PKD1L1: variants seen among roughly 807,000 people sequenced by gnomAD.
PKD1L1 encodes the protein polycystin-1-like protein 1.
Under a neutral mutation model 323.4 loss-of-function variants are expected in PKD1L1, and 236 were observed. The observed-to-expected ratio is 0.73, with a 90% CI of 0.66 to 0.81. PKD1L1 has a LOEUF of 0.81. Ranked by LOEUF, PKD1L1 falls within the 40% of genes least tolerant of loss-of-function variation. The pLI, the probability that PKD1L1 is intolerant of heterozygous loss-of-function variation, is 0.00. For missense variants in PKD1L1, 3,320 were observed against 3,508.0 expected (o/e 0.95, Z 1.35); for synonymous variants, 1,344 against 1,335.0 (o/e 1.01, Z -0.15).
At chr7:47,864,576 T>TTTTCTTTCTTTCCTTC (rs1786107193) in intron 26 of PKD1L1, among the ~76,000 whole-genome samples, 49 of 107,626 alleles carry the variant, frequency 4.6e-4, no homozygotes, top group African/African-American at 1.7e-3. Flanking sequence ...TTTTTCTTTC[T>TTTTCTTTCTTTCCTTC]TTTCTTTCTT....
intron 7 of PKD1L1, 68 bp from the exon 8 acceptor site, chr7:47,915,667 TAAAC>T: frequency 4.0e-6 from 4 of 1,008,698 alleles, no homozygotes; most frequent in Non-Finnish European, 5.7e-6. Context: ...AAATGTGGAA[TAAAC>T]AAAATCTGAA....
At chr7:47,876,266 G>T (rs1008632008) in intron 22 of PKD1L1, 49 bp from the exon 23 acceptor site, 14 of 1,593,894 alleles carry the variant, frequency 8.8e-6, no homozygotes, top group Middle Eastern at 3.4e-4. Context: ...AACACACTGT[G>T]AATGATATCA....
rs151165871 is a variant in PKD1L1, at chr7:47,892,670, A to T, written c.2453+1208T>A. On this transcript the variant is annotated intron_variant, in intron 15 of 56. Coordinates refer to ENST00000289672, the MANE Select transcript of PKD1L1 (RefSeq NM_138295.5). Reference sequence around the variant, plus strand: ...TTAACACCACTAATATATCCATGTAACAAAACTGCACTCATATCCCCTAAA... The same window carrying T: ...TTAACACCACTAATATATCCATGTATCAAAACTGCACTCATATCCCCTAAA... 1.1e-4 allele frequency among the ~76,000 whole-genome samples: 17 copies of T among 152,304 alleles called. No homozygotes were observed. The East Asian group carries it at 3.3e-3, about 29-fold the overall frequency.
chr7:47,775,640 C>T (rs959570085), intron 56 of PKD1L1, among the ~76,000 whole-genome samples: 6 of 151,306 alleles, frequency 4.0e-5, no homozygotes, highest in African/African-American at 1.5e-4. Flanking sequence ...CGCAATACTC[C>T]GAGAGAAATC....
Position 47,846,868 on chromosome 7 carries a change from T to A in PKD1L1, c.5153+11A>T. ...TAAAAATCTCAGATTCTTTCTCAAATGTGTCTATACCTGCAGTTCACTTTT... is the reference window on the plus strand; with the variant it reads ...TAAAAATCTCAGATTCTTTCTCAAAAGTGTCTATACCTGCAGTTCACTTTT... On this transcript the variant is annotated intron_variant, in intron 32 of 56. Transcript: ENST00000289672. 1 of 1,587,250 alleles carries A rather than the reference T, an allele frequency of 6.3e-7. No homozygotes were observed. Among genetic ancestry groups the A allele is most frequent in the Non-Finnish European group, 8.5e-7 (1 of 1,171,340 alleles).
At chr7:47,796,232 T>A in intron 54 of PKD1L1, 82 bp from the exon 55 acceptor site, 2 of 1,237,116 alleles carry the variant, frequency 1.6e-6, no homozygotes, top group Non-Finnish European at 1.1e-6. Flanking sequence ...AACTATGCAA[T>A]GGAGATTATA....
intron 31 of PKD1L1, among the ~76,000 whole-genome samples, chr7:47,850,968 T>C (rs937684076): frequency 6.6e-6 from 1 of 152,178 alleles, no homozygotes; most frequent in African/African-American, 2.4e-5. Context: ...TTCTCATATT[T>C]TGGCAACTGG....
intron 26 of PKD1L1, among the ~76,000 whole-genome samples, chr7:47,862,783 G>A (rs760989160): frequency 3.7e-4 from 56 of 152,226 alleles, no homozygotes; most frequent in Admixed American, 2.3e-3. Flanking sequence ...GTTAGGAAGC[G>A]GGAGAAAAGC....
Position 47,932,179 on chromosome 7 carries a change from T to C in PKD1L1, c.399-123A>G, listed in dbSNP as rs1787784826. Reference sequence around the variant, plus strand: ...TTTGCTGGAAATTCCCTTGCTGTGATTGCAGGCTCATTCCTGGGAGTCAGG... The same window carrying C: ...TTTGCTGGAAATTCCCTTGCTGTGACTGCAGGCTCATTCCTGGGAGTCAGG... On this transcript the variant is annotated intron_variant, in intron 4 of 56. Transcript: ENST00000289672. 2.1e-6 allele frequency: 3 copies of C among 1,424,960 alleles called. No homozygotes were observed. The East Asian group carries it at 7.0e-5, about 33-fold the overall frequency. 88.3% of individuals were successfully genotyped at this position (1,424,960 alleles called of 1,614,324 possible). A position where few individuals can be genotyped will look rare whatever the true frequency, so the allele number is the denominator to read the frequency against.
At chr7:47,887,644 C>A (rs1051070831) in intron 17 of PKD1L1, among the ~76,000 whole-genome samples, 1 of 152,224 alleles carries the variant, frequency 6.6e-6, no homozygotes, top group Non-Finnish European at 1.5e-5. Context: ...AAAAGACAGG[C>A]GAGGTGGTGA....
At chr7:47,888,462 G>T (rs1324128276) in intron 16 of PKD1L1, among the ~76,000 whole-genome samples, 1 of 152,206 alleles carries the variant, frequency 6.6e-6, no homozygotes, top group Non-Finnish European at 1.5e-5. Flanking sequence ...CCTGGTCAAG[G>T]TCCCTCTGTT....
chr7:47,857,890 G>T, intron 27 of PKD1L1, 58 bp from the exon 28 acceptor site: 1 of 1,514,688 alleles, frequency 6.6e-7, no homozygotes, highest in South Asian at 1.2e-5. Flanking sequence ...AAACTGTCTT[G>T]AATCCAGACT....
At chr7:47,828,246 T>C (rs547501342) in intron 44 of PKD1L1, among the ~76,000 whole-genome samples, 1 of 152,190 alleles carries the variant, frequency 6.6e-6, no homozygotes, top group Admixed American at 6.5e-5. Context: ...GGTTTGGAGA[T>C]GCCAGCCTGG....
At chr7:47,894,855 CA>C (rs11417820) in intron 14 of PKD1L1, among the ~76,000 whole-genome samples, 2,434 of 125,688 alleles carry the variant, frequency 0.019, 72 homozygotes, top group African/African-American at 0.066. Flanking sequence ...GAGACCCTGT[CA>C]AAAAAAAAAA....
At chr7:47,834,182 A>G (rs533906854) in intron 40 of PKD1L1, among the ~76,000 whole-genome samples, 157 bp downstream of exon 40, 31 of 152,324 alleles carry the variant, frequency 2.0e-4, no homozygotes, top group Admixed American at 6.5e-4. Flanking sequence ...GCCCCCAGCC[A>G]GCACAACAGG....
chr7:47,794,433 C>G (rs959347871), intron 55 of PKD1L1, among the ~76,000 whole-genome samples: 1 of 152,202 alleles, frequency 6.6e-6, no homozygotes, highest in Non-Finnish European at 1.5e-5. Context: ...ACCCCCAAGC[C>G]TTGGCAGCTT....
At chr7:47,849,507 ACAAATAACCCCAT>A (rs931525905) in intron 31 of PKD1L1, among the ~76,000 whole-genome samples, 4 of 152,290 alleles carry the variant, frequency 2.6e-5, no homozygotes, top group African/African-American at 9.6e-5. Flanking sequence ...GCAAGAAAAA[ACAAATAACCCCAT>A]CAAAAAGTGG....
At chr7:47,820,323 A>G (rs1296914267) in intron 46 of PKD1L1, among the ~76,000 whole-genome samples, 1 of 152,212 alleles carries the variant, frequency 6.6e-6, no homozygotes, top group Non-Finnish European at 1.5e-5. Context: ...TCTGCTTTAC[A>G]CTTTTCAGTT....
intron 44 of PKD1L1, among the ~76,000 whole-genome samples, chr7:47,828,841 T>C (rs76766793): frequency 0.1 from 15,231 of 152,172 alleles, 1,095 homozygotes; most frequent in Middle Eastern, 0.16. Context: ...TGCACTGGGA[T>C]TGGGTCCTTG....
Sources: allele counts gnomAD v4.1 joint callset (sites outside exome capture counted in the v4.1 genomes callset), GRCh38; gene constraint gnomAD v4.1.1; transcripts MANE v1.5; gene names NCBI Gene and HGNC (gene_info 2026-07-23, HGNC 2026-07-21).